Variants in B4GALNT3 observed in about 807,000 individuals in gnomAD.
B4GALNT3 encodes the protein beta-1,4-N-acetylgalactosaminyltransferase 3.
Under a neutral mutation model 120.2 loss-of-function variants are expected in B4GALNT3, and 86 were observed. The observed-to-expected ratio is 0.72, with a 90% CI of 0.60 to 0.86. The LOEUF (loss-of-function observed/expected upper bound fraction) is 0.86, where lower values mean the gene tolerates loss of function less well. Among genes scored for constraint, B4GALNT3 ranks in the 40% least tolerant of loss-of-function variants. The pLI, the probability that B4GALNT3 is intolerant of heterozygous loss-of-function variation, is 0.00. For missense variants in B4GALNT3, 1,167 were observed against 1,298.9 expected (o/e 0.90, Z 1.56); for synonymous variants, 518 against 510.4 (o/e 1.01, Z -0.20).
chr12:490,158 T>G (rs1946327514), intron 1 of B4GALNT3, among the ~76,000 whole-genome samples: 1 of 151,876 alleles, frequency 6.6e-6, no homozygotes, highest in Non-Finnish European at 1.5e-5. Context: ...AGAAGAAAGA[T>G]CTAACATCAA....
intron 3 of B4GALNT3, among the ~76,000 whole-genome samples, chr12:544,094 C>T (rs1008704589): frequency 1.6e-5 from 2 of 125,820 alleles, no homozygotes; most frequent in South Asian, 2.5e-4. Flanking sequence ...ATGGGGTGCT[C>T]ATCTTCCTGG....
chr12:494,335 G>T (rs144449943), intron 1 of B4GALNT3, among the ~76,000 whole-genome samples: 1 of 150,518 alleles, frequency 6.6e-6, no homozygotes, highest in African/African-American at 2.4e-5. Context: ...AGGTCTCATT[G>T]TCCGTTCTTA....
Position 460,907 on chromosome 12 carries a change from A to T in B4GALNT3, c.169+362A>T, listed in dbSNP as rs1030452289. 6.6e-6 allele frequency among the ~76,000 whole-genome samples: 1 copy of T among 151,848 alleles called. No homozygotes were observed. The highest frequency in any genetic ancestry group is 6.5e-5 in the Admixed American group (1 of 15,270). On this transcript the variant is annotated intron_variant, in intron 1 of 19. Coordinates refer to ENST00000266383, the MANE Select transcript of B4GALNT3 (RefSeq NM_173593.4). This position sits in a 1 kb window ranked among gnomAD's most constrained non-coding sequence, Gnocchi z 8.0. ...TCCGGGCTTGCGGTTCCCGGGGAGG[A>T]GGTCCGTGGGGTCCACGCGCGAGCT...
chr12:499,902 AT>A (rs34791616), intron 1 of B4GALNT3, among the ~76,000 whole-genome samples: 1 of 152,138 alleles, frequency 6.6e-6, no homozygotes. Context: ...GTTGGCTCAA[AT>A]TTTTCTAAAA....
chr12:460,622 C>G lies in B4GALNT3; in HGVS notation c.169+77C>G. 8.1e-7 allele frequency: 1 copy of G among 1,232,684 alleles called. No homozygotes were observed. Among genetic ancestry groups the G allele is most frequent in the Non-Finnish European group, 1.0e-6 (1 of 966,222 alleles). The allele number at this position is 1,232,684 out of a possible 1,614,324, so 76.4% of individuals were successfully genotyped here. The stretch of plus-strand genomic sequence containing the variant: ...GCTCCTGCGTTGGGGGGACCCGCCT[C>G]TCATCCCATCCTCAGACCCGATTTC... On this transcript the variant is annotated intron_variant, in intron 1 of 19. Coordinates refer to ENST00000266383, the MANE Select transcript of B4GALNT3 (RefSeq NM_173593.4). This position sits in a 1 kb window ranked among gnomAD's most constrained non-coding sequence, Gnocchi z 8.0.
chr12:525,148 G>T (rs942042743), intron 1 of B4GALNT3, among the ~76,000 whole-genome samples: 2 of 151,148 alleles, frequency 1.3e-5, no homozygotes, highest in African/African-American at 4.9e-5. Flanking sequence ...TCGCTCTGTC[G>T]CCCGGGCTGG....
intron 11 of B4GALNT3, among the ~76,000 whole-genome samples, chr12:551,378 T>C (rs570260104): frequency 6.6e-6 from 1 of 152,270 alleles, no homozygotes; most frequent in South Asian, 2.1e-4. Context: ...TCCCGCCAGC[T>C]AGTGAGCCAG....
intron 1 of B4GALNT3, among the ~76,000 whole-genome samples, chr12:498,454 C>T (rs556096102): frequency 6.6e-6 from 1 of 152,338 alleles, no homozygotes; most frequent in African/African-American, 2.4e-5. Flanking sequence ...ATTTAAATAA[C>T]TCCATCTGTG....
At chr12:509,394 G>T (rs1200251355) in intron 1 of B4GALNT3, among the ~76,000 whole-genome samples, 2 of 152,204 alleles carry the variant, frequency 1.3e-5, no homozygotes, top group Non-Finnish European at 2.9e-5. Flanking sequence ...CAGGGCAGGA[G>T]AAACTTGGGA....
At chr12:485,728 A>G (rs946446612) in intron 1 of B4GALNT3, among the ~76,000 whole-genome samples, 1 of 152,214 alleles carries the variant, frequency 6.6e-6, no homozygotes, top group South Asian at 2.1e-4. Flanking sequence ...TATATAAATT[A>G]TACTTTAAAA....
intron 1 of B4GALNT3, among the ~76,000 whole-genome samples, chr12:509,144 G>C (rs1946523377): frequency 6.6e-6 from 1 of 152,236 alleles, no homozygotes; most frequent in South Asian, 2.1e-4. Context: ...TGAAGCTGAT[G>C]GGGCGGAGGA....
intron 1 of B4GALNT3, among the ~76,000 whole-genome samples, chr12:511,492 TCCAC>T (rs1483794450): frequency 4.4e-5 from 5 of 114,194 alleles, no homozygotes; most frequent in South Asian, 3.5e-4. Context: ...TCTTCCACCT[TCCAC>T]CTTCCACCTT....
At chr12:490,651 G>A (rs1468471504) in intron 1 of B4GALNT3, among the ~76,000 whole-genome samples, 2 of 151,884 alleles carry the variant, frequency 1.3e-5, no homozygotes, top group African/African-American at 2.4e-5. Context: ...GATCATTTGA[G>A]CTGGGAAGTG....
chr12:556,027 C>T (rs1212650933), intron 14 of B4GALNT3, among the ~76,000 whole-genome samples: 1 of 152,024 alleles, frequency 6.6e-6, no homozygotes, highest in African/African-American at 2.4e-5. Flanking sequence ...TTGTGATCCA[C>T]CTGCCTTGGC....
chr12:544,207 G>T, intron 3 of B4GALNT3, 132 bp from the exon 4 acceptor site: 1 of 743,618 alleles, frequency 1.3e-6, no homozygotes, highest in Non-Finnish European at 2.3e-6. Flanking sequence ...CTCTGGGGAG[G>T]GCATGGGGTG....
Position 558,628 on chromosome 12 carries a change from C to T in B4GALNT3, c.2728C>T (p.Leu910=). 6.2e-7 allele frequency: 1 copy of T among 1,614,020 alleles called. No homozygotes were observed. The highest frequency in any genetic ancestry group is 8.5e-7 in the Non-Finnish European group (1 of 1,179,974). The change falls in exon 18 of 20, where the codon CTG becomes TTG. Residue 910 remains leucine (L), a synonymous_variant. Coordinates refer to ENST00000266383, the MANE Select transcript of B4GALNT3 (RefSeq NM_173593.4). ...KMAFAPMVMR[L]HCGATPQWPE... ...GGCCTTTGCCCCCATGGTGATGAGG[C>T]TGCATTGTGGGGCCACCCCCCAGTG...
At chr12:473,512 A>T (rs1160696372) in intron 1 of B4GALNT3, among the ~76,000 whole-genome samples, 1 of 152,226 alleles carries the variant, frequency 6.6e-6, no homozygotes, top group Admixed American at 6.5e-5. Flanking sequence ...TGTGGGTTTC[A>T]TACGTGGGTC....
intron 1 of B4GALNT3, among the ~76,000 whole-genome samples, chr12:520,824 G>A (rs904639629): frequency 6.6e-6 from 1 of 152,200 alleles, no homozygotes; most frequent in African/African-American, 2.4e-5. Flanking sequence ...TTGGAGTGTT[G>A]CTTTCAAAGG....
At chr12:478,173 C>G (rs1592013398) in intron 1 of B4GALNT3, among the ~76,000 whole-genome samples, 1 of 150,506 alleles carries the variant, frequency 6.6e-6, no homozygotes, top group Admixed American at 6.6e-5. Context: ...TCGCATGAGC[C>G]CAGGAGATCA....
Sources: allele counts gnomAD v4.1 joint callset (sites outside exome capture counted in the v4.1 genomes callset), GRCh38; gene constraint gnomAD v4.1.1; non-coding constraint Gnocchi (gnomAD v3.1); transcripts MANE v1.5; gene names NCBI Gene and HGNC (gene_info 2026-07-23, HGNC 2026-07-21).